The following LLGL2 variants were observed in gnomAD, a reference collection of about 807,000 sequenced individuals.
LLGL2 encodes the protein LLGL scribble cell polarity complex component 2.
A neutral mutation model predicts 123.2 loss-of-function variants in LLGL2; 81 were observed. That is an observed-to-expected ratio of 0.66 (90% CI 0.55 to 0.79). The LOEUF (loss-of-function observed/expected upper bound fraction) is 0.79, where lower values mean the gene tolerates loss of function less well. Among genes scored for constraint, LLGL2 ranks in the 30% least tolerant of loss-of-function variants. The pLI is 0.00. For missense variants in LLGL2, 1,273 were observed against 1,414.6 expected, an observed-to-expected ratio of 0.90 and a Z score of 1.61; for synonymous variants, 577 against 594.1, an observed-to-expected ratio of 0.97 and a Z score of 0.42.
At position 75,549,008 on chromosome 17, in the gene LLGL2, G is replaced by A. The variant is rs1396797634; in HGVS notation, c.75+5507G>A. Among the ~76,000 whole-genome samples the A allele has an allele frequency of 6.6e-6, 1 of 152,138 alleles. No homozygotes were observed. The highest frequency in any genetic ancestry group is 2.4e-5 in the African/African-American group (1 of 41,438). ...AGGGGAGGAGACTAAGGCCCCCAGG[G>A]CTTGCACAGCTGGAGCTTATCCGGG... On this transcript the variant is annotated intron_variant, in intron 2 of 25. Transcript: ENST00000392550. This position sits in a 1 kb window ranked among gnomAD's most constrained non-coding sequence, Gnocchi z 4.0.
chr17:75,531,704 C>T (rs2053793963), intron 1 of LLGL2, among the ~76,000 whole-genome samples: 1 of 152,196 alleles, frequency 6.6e-6, no homozygotes, highest in Non-Finnish European at 1.5e-5. Context: ...CCTCCCCAGC[C>T]CTGGCTCCCT....
At chr17:75,557,034 C>CTTTTTTTT (rs55649536) in intron 3 of LLGL2, among the ~76,000 whole-genome samples, 29 of 109,878 alleles carry the variant, frequency 2.6e-4, no homozygotes, top group Middle Eastern at 5.2e-3. Flanking sequence ...GTCTCAAAAA[C>CTTTTTTTT]TTTTTTTTTT....
Position 75,570,491 on chromosome 17 carries a change from C to A in LLGL2, c.2018C>A (p.Pro673Gln), listed in dbSNP as rs775405088. 6.4e-7 allele frequency: 1 copy of A among 1,572,872 alleles called. No individual in the cohort carries two copies. Among genetic ancestry groups the A allele is most frequent in the Non-Finnish European group, 8.6e-7 (1 of 1,160,376 alleles). The change falls in exon 16 of 26, where the codon CCA (proline) becomes CAA (glutamine). Residue 673 changes from proline (P) to glutamine (Q), a missense_variant. Pro to Gln is a moderately conservative substitution (Grantham distance 76). Transcript: ENST00000392550. ...SSRKRHPAGP[P>Q]GEAQEGSAKA... ...CGGAAGCGGCACCCGGCTGGCCCCC[C>A]AGGAGAGGTGAGGCCTGAGGTGAGG...
intron 2 of LLGL2, among the ~76,000 whole-genome samples, chr17:75,550,803 A>AACAC (rs1491166044): frequency 5.9e-5 from 7 of 117,970 alleles, no homozygotes; most frequent in South Asian, 2.6e-4. Flanking sequence ...AAAAAAAAAA[A>AACAC]ACACACACAC....
At position 75,573,695 on chromosome 17, in the gene LLGL2, C is replaced by T. The variant is rs200886953; in HGVS notation, c.2876+64C>T. 4.9e-5 allele frequency: 69 copies of T among 1,404,242 alleles called. No homozygotes were observed. The African/African-American group carries it at 8.4e-4, about 17-fold the overall frequency. The allele number at this position is 1,404,242 out of a possible 1,614,324, so 87.0% of individuals were successfully genotyped here. ...CCCCTCCCTGCCCTCTCTGAGATAC[C>T]GAGGCTCCCACTGCTGCCTGGCTGG... On this transcript the variant is annotated intron_variant, in intron 21 of 25. Coordinates refer to ENST00000392550, the MANE Select transcript of LLGL2 (RefSeq NM_001031803.2).
intron 1 of LLGL2, among the ~76,000 whole-genome samples, chr17:75,529,290 A>C (rs186156379): frequency 0.022 from 3,405 of 151,488 alleles, 63 homozygotes; most frequent in Middle Eastern, 0.055. Flanking sequence ...TCTGCCTCCC[A>C]GGTTCAAGCA....
chr17:75,532,015 C>T (rs1248075831), intron 1 of LLGL2, among the ~76,000 whole-genome samples: 1 of 147,168 alleles, frequency 6.8e-6, no homozygotes, highest in East Asian at 2.0e-4. Flanking sequence ...CATCTGGGCA[C>T]AGGACCATAT....
intron 2 of LLGL2, among the ~76,000 whole-genome samples, chr17:75,545,723 G>A (rs2054393082): frequency 2.0e-5 from 3 of 152,192 alleles, no homozygotes; most frequent in African/African-American, 7.2e-5. Context: ...TAAACCTGGA[G>A]ATGTTTTTAC....
chr17:75,562,173 A>G (rs1404830247), intron 6 of LLGL2: 1 of 152,170 alleles, frequency 6.6e-6, no homozygotes, highest in Admixed American at 6.5e-5. Flanking sequence ...TCACGGCAGC[A>G]TTCCAGGCCT....
intron 1 of LLGL2, among the ~76,000 whole-genome samples, chr17:75,526,233 G>A (rs2053564122): frequency 6.6e-6 from 1 of 152,060 alleles, no homozygotes; most frequent in Non-Finnish European, 1.5e-5. Flanking sequence ...ACGGGCGGCG[G>A]CCGGAGCGCG....
rs976714357 is a variant in LLGL2, at chr17:75,558,470, T to C, written c.256-42T>C. 1 of 1,507,124 alleles carries C rather than the reference T, an allele frequency of 6.6e-7. No individual in the cohort carries two copies. 93.4% of individuals were successfully genotyped at this position (1,507,124 alleles called of 1,614,324 possible). A position where few individuals can be genotyped will look rare whatever the true frequency, so the allele number is the denominator to read the frequency against. ...GGCCCCAGTGTGTAAAGGCCTTGCC[T>C]GGGTAGCAAGACCACATGATCCCGT... On this transcript the variant is annotated intron_variant, in intron 4 of 25. Coordinates refer to ENST00000392550, the MANE Select transcript of LLGL2 (RefSeq NM_001031803.2). The surrounding 1 kb of genome is among the most constrained non-coding windows in gnomAD (Gnocchi z 4.0).
At chr17:75,555,152 G>A (rs1485230626) in intron 2 of LLGL2, among the ~76,000 whole-genome samples, 1 of 151,516 alleles carries the variant, frequency 6.6e-6, no homozygotes, top group Non-Finnish European at 1.5e-5. Flanking sequence ...ACTCCAGCCT[G>A]GGCAACAGAG....
Position 75,558,603 on chromosome 17 carries a change from G to A in LLGL2, c.347G>A (p.Ser116Asn). ...GGASELQEDE[S>N]FTLRGPPGAA... ...GCATCGGAGCTGCAGGAGGATGAGA[G>A]CTTCACACTGCGTGGACCCCCAGGG... The change falls in exon 5 of 26, where the codon AGC becomes AAC. Residue 116 changes from serine (S) to asparagine (N), a missense_variant. Ser to Asn is a conservative substitution (Grantham distance 46). Transcript: ENST00000392550. The surrounding 1 kb of genome is among the most constrained non-coding windows in gnomAD (Gnocchi z 4.0). 2.5e-6 allele frequency: 4 copies of A among 1,608,296 alleles called. No homozygotes were observed. In the South Asian group the frequency reaches 3.3e-5, roughly 13 times the overall value.
At chr17:75,560,837 G>GA (rs71361686) in intron 6 of LLGL2, among the ~76,000 whole-genome samples, 62,541 of 114,870 alleles carry the variant, frequency 0.54, 16,939 homozygotes, top group African/African-American at 0.77. Flanking sequence ...AAAAAACAAA[G>GA]AAAAAACATT....
chr17:75,567,928 G>T (rs75462570), intron 10 of LLGL2: 36,763 of 441,606 alleles, frequency 0.083, 1,658 homozygotes, highest in Middle Eastern at 0.16. Flanking sequence ...GCGACAGAGT[G>T]TGAAACCCTG....
rs1265171174 is a variant in LLGL2 at position 75,562,585 on chromosome 17, T to G, written c.531-431T>G. 6 of 193,544 alleles carry G rather than the reference T, an allele frequency of 3.1e-5. No individual in the cohort carries two copies. In the South Asian group the frequency reaches 5.2e-4, roughly 17 times the overall value. 12.0% of individuals were successfully genotyped at this position (193,544 alleles called of 1,614,324 possible). ...CTAGCCATCTTTCTTTCTTTTTTTT[T>G]GGAAATGGAGTCTCACTCTGTCACC... On this transcript the variant is annotated intron_variant, in intron 6 of 25. Transcript: ENST00000392550.
intron 10 of LLGL2, among the ~76,000 whole-genome samples, chr17:75,566,249 T>C (rs2055438045): frequency 6.6e-6 from 1 of 151,980 alleles, no homozygotes; most frequent in South Asian, 2.1e-4. Flanking sequence ...GGTAAGGACT[T>C]GGGGTTTGAG....
intron 2 of LLGL2, among the ~76,000 whole-genome samples, chr17:75,555,290 CT>C (rs79727188): frequency 0.37 from 50,295 of 135,548 alleles, 8,463 homozygotes; most frequent in African/African-American, 0.4. Flanking sequence ...AATTTTTGTT[CT>C]TTTTTTTTTT....
intron 23 of LLGL2, 59 bp downstream of exon 23, chr17:75,574,319 C>A: frequency 1.3e-6 from 2 of 1,521,760 alleles, no homozygotes; most frequent in South Asian, 1.2e-5. Flanking sequence ...GGGTCAGGGT[C>A]AAGGGAGGCT....
Sources: gnomAD v4.1 joint callset for allele counts (sites outside exome capture counted in the v4.1 genomes callset) on GRCh38, gnomAD v4.1.1 for gene constraint, Gnocchi (gnomAD v3.1) non-coding constraint, MANE v1.5 for transcripts, NCBI Gene and HGNC (gene_info 2026-07-23, HGNC 2026-07-21) for gene names.